Variants in NTMT1 observed in about 807,000 individuals in gnomAD.
NTMT1 encodes the protein N-terminal Xaa-Pro-Lys N-methyltransferase 1, also known as N-terminal RCC1 methyltransferase.
In NTMT1, 8 loss-of-function variants were observed where a neutral mutation model predicts 17.5. That is an observed-to-expected ratio of 0.46 (90% CI 0.27 to 0.82). NTMT1 has a LOEUF of 0.82. NTMT1 is among the 40% of genes least tolerant of loss of function. NTMT1 has a pLI of 0.15. For synonymous variants in NTMT1, 128 were observed against 126.8 expected (o/e 1.01, Z -0.06); for missense variants, 221 against 303.5 (o/e 0.73, Z 2.02).
At chr9:129,612,528 T>A in intron 1 of NTMT1, 1 of 1,173,820 alleles carries the variant, frequency 8.5e-7, no homozygotes, top group Non-Finnish European at 1.2e-6. Context: ...AGTGGGATTC[T>A]GTGCTGAAGC....
intron 2 of NTMT1, chr9:129,633,092 A>G (rs1831270471): frequency 1.3e-5 from 7 of 529,586 alleles, no homozygotes; most frequent in Non-Finnish European, 1.3e-5. Flanking sequence ...GTTAGGCAGA[A>G]TTGAGGTGCC....
Position 129,635,399 on chromosome 9 carries a change from G to A in NTMT1, c.607G>A (p.Ala203Thr), listed in dbSNP as rs1350268866. The change falls in exon 4 of 4, where the codon GCC becomes ACC. Residue 203 changes from alanine to threonine, a missense_variant. Ala to Thr is a moderately conservative substitution (Grantham distance 58). Coordinates refer to ENST00000372483, the MANE Select transcript of NTMT1 (RefSeq NM_014064.4). ...IICSAGLSLL[A>T]EERQENLPDE... Reference sequence around the variant, plus strand: ...CTGCAGTGCAGGCCTCAGCCTCCTGGCCGAGGAGAGGCAGGAGAACCTCCC... The same window carrying A: ...CTGCAGTGCAGGCCTCAGCCTCCTGACCGAGGAGAGGCAGGAGAACCTCCC... The A allele has an allele frequency of 6.2e-7, 1 of 1,613,638 alleles. No individual in the cohort carries two copies. The highest frequency in any genetic ancestry group is 1.1e-5 in the South Asian group (1 of 91,086).
Position 129,619,686 on chromosome 9 carries a change from C to T in NTMT1, c.-55+10508C>T, listed in dbSNP as rs780911756. Reference sequence around the variant, plus strand: ...GGCATGAGTGGCCAGGCTGTCCCGCCCTGGAAACATCGATGGCAACCCCGT... The same window carrying T: ...GGCATGAGTGGCCAGGCTGTCCCGCTCTGGAAACATCGATGGCAACCCCGT... On this transcript the variant is annotated intron_variant, in intron 1 of 3. Coordinates refer to the NTMT1 transcript ENST00000372486. The T allele has an allele frequency of 2.4e-5, 38 of 1,612,690 alleles. 1 individual carries two copies. The highest frequency in any genetic ancestry group is 2.9e-5 in the Non-Finnish European group (34 of 1,178,892).
At position 129,613,056 on chromosome 9, in the gene NTMT1, C is replaced by G; in HGVS notation, c.-55+3878C>G. ...ACAGGGCTGCTCCCGGAGCCAGCTG[C>G]CAGCAGGGGCTCACCAGCTTCTAGG... On this transcript the variant is annotated intron_variant, in intron 1 of 3. Coordinates refer to the NTMT1 transcript ENST00000372486. The surrounding 1 kb of genome is among the most constrained non-coding windows in gnomAD (Gnocchi z 6.2). 6.2e-7 allele frequency: 1 copy of G among 1,608,640 alleles called. No individual in the cohort carries two copies. The highest frequency in any genetic ancestry group is 8.5e-7 in the Non-Finnish European group (1 of 1,178,672).
At chr9:129,609,960 G>A (rs1328276091) in intron 1 of NTMT1, among the ~76,000 whole-genome samples, 1 of 151,188 alleles carries the variant, frequency 6.6e-6, no homozygotes, top group Non-Finnish European at 1.5e-5. Context: ...GTGTCTGAAG[G>A]GGGTGTCTGT....
chr9:129,631,746 A>C (rs1334727293), intron 1 of NTMT1, among the ~76,000 whole-genome samples: 1 of 152,058 alleles, frequency 6.6e-6, no homozygotes, highest in African/African-American at 2.4e-5. Context: ...TACTGCGCTT[A>C]TTCTTGCCCA....
intron 1 of NTMT1, chr9:129,619,951 A>G (rs1830593302): frequency 6.8e-7 from 1 of 1,480,658 alleles, no homozygotes; most frequent in Non-Finnish European, 9.2e-7. Context: ...TGAGATACTC[A>G]GCTAACATTA....
chr9:129,612,496 C>A, intron 1 of NTMT1: 1 of 1,514,680 alleles, frequency 6.6e-7, no homozygotes, highest in South Asian at 1.2e-5. Context: ...ACCAGGACCT[C>A]GGGGCAGGGG....
intron 1 of NTMT1, chr9:129,615,680 C>A: frequency 2.7e-6 from 4 of 1,495,824 alleles, no homozygotes; most frequent in Non-Finnish European, 3.5e-6. Context: ...GTGCTCGAAG[C>A]CCCCCACCGT....
At chr9:129,617,393 C>T (rs1830444270) in intron 1 of NTMT1, among the ~76,000 whole-genome samples, 1 of 152,216 alleles carries the variant, frequency 6.6e-6, no homozygotes, top group Non-Finnish European at 1.5e-5. Flanking sequence ...TAACCCAGCT[C>T]TGCCCACCTG....
At position 129,626,190 on chromosome 9, in the gene NTMT1, G is replaced by A. The variant is rs1299432845; in HGVS notation, c.-160G>A. On this transcript the variant is annotated 5_prime_UTR_variant, in exon 1 of 4. Coordinates refer to ENST00000372483, the MANE Select transcript of NTMT1 (RefSeq NM_014064.4). ...CGCGCGCCGCGAGCTGTCGCGTCTG[G>A]TCGTGGTCTGGCGGAGCTGCGGTTG... The A allele has an allele frequency of 6.6e-6, 1 of 152,214 alleles. No individual in the cohort carries two copies. Among genetic ancestry groups the A allele is most frequent in the Non-Finnish European group, 1.5e-5 (1 of 68,032 alleles). The allele number at this position is 152,214 out of a possible 1,614,324, so 9.4% of individuals were successfully genotyped here. A position where few individuals can be genotyped will look rare whatever the true frequency, so the allele number is the denominator to read the frequency against.
Position 129,635,506 on chromosome 9 carries a change from G to A in NTMT1, c.*42G>A, listed in dbSNP as rs779185577. 6 of 1,575,500 alleles carry A rather than the reference G, an allele frequency of 3.8e-6. No individual in the cohort carries two copies. In the Admixed American group the frequency reaches 5.3e-5, roughly 14 times the overall value. On this transcript the variant is annotated 3_prime_UTR_variant, in exon 4 of 4. Coordinates refer to ENST00000372483, the MANE Select transcript of NTMT1 (RefSeq NM_014064.4). ...GAAACTGAGGAACCACAGTCCTGGT[G>A]GGGGGAGCTGGCAGCTGGGCAAGAT...
chr9:129,632,761 T>C lies in NTMT1; in HGVS notation c.58T>C (p.Trp20Arg). ...ATTCTATTCCAAGGCCAAGACCTAC[T>C]GGAAACAAATCCCACCCACGGTGGA... Reference protein sequence around the residue: ...KQFYSKAKTYWKQIPPTVDGM... With the variant: ...KQFYSKAKTYRKQIPPTVDGM... Residue 20 changes from tryptophan to arginine, a missense_variant, in exon 2 of 4, where the codon TGG (tryptophan) becomes CGG (arginine). Trp to Arg is a moderately radical substitution (Grantham distance 101). Transcript: ENST00000372483. 1.2e-6 allele frequency: 2 copies of C among 1,614,182 alleles called. No individual in the cohort carries two copies. The highest frequency in any genetic ancestry group is 1.7e-6 in the Non-Finnish European group (2 of 1,180,024).
rs1019912028 is a variant in NTMT1, at chr9:129,632,635, C to A, written c.-54-15C>A. The A allele has an allele frequency of 6.3e-7, 1 of 1,587,790 alleles. No individual in the cohort carries two copies. Among genetic ancestry groups the A allele is most frequent in the Non-Finnish European group, 8.6e-7 (1 of 1,161,816 alleles). On this transcript the variant is annotated splice_polypyrimidine_tract_variant and intron_variant, in intron 1 of 3. Coordinates refer to ENST00000372483, the MANE Select transcript of NTMT1 (RefSeq NM_014064.4). ...GGTCCCTGGCCCGCTGACTCACGCC[C>A]CCTTCCTTACCCAGGAGAGTCGCGG...
intron 1 of NTMT1, chr9:129,615,520 C>A: frequency 6.2e-7 from 1 of 1,610,314 alleles, no homozygotes. Flanking sequence ...AGCGTTGTGT[C>A]CTGCAGGGTC....
chr9:129,619,660 TG>T, intron 1 of NTMT1: 1 of 1,613,096 alleles, frequency 6.2e-7, no homozygotes, highest in South Asian at 1.1e-5. Flanking sequence ...AGGCCACATC[TG>T]GCATGAGTGG....
upstream of NTMT1, among the ~76,000 whole-genome samples, chr9:129,621,420 C>T (rs1830705503): frequency 1.3e-5 from 2 of 152,180 alleles, no homozygotes; most frequent in Admixed American, 6.5e-5. Context: ...GCAATGGCAC[C>T]ATCATAGCTC....
chr9:129,612,240 TA>T, intron 1 of NTMT1: 1 of 883,174 alleles, frequency 1.1e-6, no homozygotes, highest in Non-Finnish European at 1.8e-6. Flanking sequence ...GTGTGACACC[TA>T]CTGGCAGGTC....
chr9:129,612,383 G>A (rs1451921542), intron 1 of NTMT1: 5 of 1,613,452 alleles, frequency 3.1e-6, no homozygotes, highest in African/African-American at 1.3e-5. Context: ...CGGAGGCCAG[G>A]AGGAGATGGT....
Sources: allele counts gnomAD v4.1 joint callset (sites outside exome capture counted in the v4.1 genomes callset), GRCh38; gene constraint gnomAD v4.1.1; non-coding constraint Gnocchi (gnomAD v3.1); transcripts MANE v1.5; gene names NCBI Gene and HGNC (gene_info 2026-07-23, HGNC 2026-07-21).